The following CDH12 variants were observed in gnomAD, a reference collection of about 807,000 sequenced individuals.
CDH12 encodes cadherin-12.
Under a neutral mutation model 74.1 loss-of-function variants are expected in CDH12, and 41 were observed. The ratio of observed to expected loss-of-function variants is 0.55; its 90% confidence interval spans 0.43 to 0.72. The LOEUF is 0.72. Ranked by LOEUF, CDH12 falls within the 30% of genes least tolerant of loss-of-function variation. The pLI is 0.00. For synonymous variants in CDH12, 399 were observed against 355.0 expected, an observed-to-expected ratio of 1.12 and a Z score of -1.39; for missense variants, 945 against 977.2, an observed-to-expected ratio of 0.97 and a Z score of 0.44.
At chr5:21,960,772 A>G (rs926240263) in intron 6 of CDH12, among the ~76,000 whole-genome samples, 11 of 152,056 alleles carry the variant, frequency 7.2e-5, no homozygotes, top group African/African-American at 2.4e-4. Context: ...AGGTATTTAT[A>G]TGTTTGCCTG....
intron 8 of CDH12, among the ~76,000 whole-genome samples, chr5:21,838,352 G>A (rs1371705697): frequency 1.3e-5 from 2 of 152,110 alleles, no homozygotes; most frequent in African/African-American, 2.4e-5. Context: ...CTGAGGTCAG[G>A]AGTTTGAGAC....
At chr5:22,215,043 A>G (rs893104701) in intron 3 of CDH12, among the ~76,000 whole-genome samples, 6 of 152,240 alleles carry the variant, frequency 3.9e-5, no homozygotes, top group Non-Finnish European at 8.8e-5. Context: ...TGTCTATTAC[A>G]TGCTTGCTAT....
At chr5:22,046,845 G>A (rs1739990013) in intron 5 of CDH12, among the ~76,000 whole-genome samples, 1 of 152,110 alleles carries the variant, frequency 6.6e-6, no homozygotes, top group Non-Finnish European at 1.5e-5. Flanking sequence ...CCCAAAACTG[G>A]TGAGCATCTC....
intron 7 of CDH12, among the ~76,000 whole-genome samples, chr5:21,849,827 A>G (rs1455727282): frequency 1.3e-5 from 2 of 151,812 alleles, no homozygotes; most frequent in Non-Finnish European, 2.9e-5. Flanking sequence ...AAATGAAATT[A>G]TCGCCTCATA....
At chr5:22,097,507 T>C (rs969491103) in intron 4 of CDH12, among the ~76,000 whole-genome samples, 1 of 152,164 alleles carries the variant, frequency 6.6e-6, no homozygotes, top group Non-Finnish European at 1.5e-5. Flanking sequence ...CTTCTAAACA[T>C]CTTTAAACTC....
At position 22,599,318 on chromosome 5, in the gene CDH12, G is replaced by A. The variant is rs182584804; in HGVS notation, c.-522-93954C>T. On this transcript the variant is annotated intron_variant, in intron 1 of 14. Transcript: ENST00000382254. ...ATAAGATTCGGGAATAGGCAACACT[G>A]GTAGTAAAAAATACCAAAGTGACTA... Among the ~76,000 whole-genome samples the A allele has an allele frequency of 7.2e-5, 11 of 151,954 alleles. No homozygotes were observed. The East Asian group carries it at 2.1e-3, about 29-fold the overall frequency.
At chr5:22,549,699 T>G (rs893706628) in intron 1 of CDH12, among the ~76,000 whole-genome samples, 1 of 152,236 alleles carries the variant, frequency 6.6e-6, no homozygotes, top group Non-Finnish European at 1.5e-5. Flanking sequence ...TGTACTGTTC[T>G]TGTTGGTGTC....
chr5:22,483,538 A>G (rs972585754), intron 2 of CDH12, among the ~76,000 whole-genome samples: 2 of 150,904 alleles, frequency 1.3e-5, no homozygotes, highest in African/African-American at 4.9e-5. Context: ...AAGACCATGT[A>G]GTGATGGAAG....
chr5:21,993,928 G>T (rs991930949), intron 5 of CDH12, among the ~76,000 whole-genome samples: 3 of 151,996 alleles, frequency 2.0e-5, no homozygotes, highest in African/African-American at 7.3e-5. Flanking sequence ...AGAGTAAAGA[G>T]AATTTTTATT....
At chr5:21,926,446 C>T (rs1158865422) in intron 6 of CDH12, among the ~76,000 whole-genome samples, 1 of 152,122 alleles carries the variant, frequency 6.6e-6, no homozygotes, top group Admixed American at 6.5e-5. Context: ...CTTTGTCTTT[C>T]CTCTATATAT....
intron 2 of CDH12, among the ~76,000 whole-genome samples, chr5:22,503,927 A>T (rs940116681): frequency 6.6e-6 from 1 of 152,040 alleles, no homozygotes; most frequent in Non-Finnish European, 1.5e-5. Context: ...TGATATAATC[A>T]TGGATATTTA....
In CDH12 at chr5:21,996,950, G is replaced by C. The variant is rs1475062534; in HGVS notation, c.232-21565C>G. The stretch of plus-strand genomic sequence containing the variant: ...ATAGAAGCGTCATTATCTGACTTGG[G>C]TGTGTTTGAAGAGAAAAATGTAAAT... On this transcript the variant is annotated intron_variant, in intron 5 of 14. Coordinates refer to ENST00000382254, the MANE Select transcript of CDH12 (RefSeq NM_004061.5). 3.3e-5 allele frequency among the ~76,000 whole-genome samples: 5 copies of C among 152,062 alleles called. No homozygotes were observed. The East Asian group carries it at 5.8e-4, about 18-fold the overall frequency.
At chr5:22,263,514 T>G (rs533455009) in intron 3 of CDH12, among the ~76,000 whole-genome samples, 44 of 152,154 alleles carry the variant, frequency 2.9e-4, no homozygotes, top group African/African-American at 4.6e-4. Context: ...TAATATATGG[T>G]AAAAGTCAAA....
intron 5 of CDH12, among the ~76,000 whole-genome samples, chr5:22,029,525 C>T (rs1738658655): frequency 2.6e-5 from 4 of 151,104 alleles, no homozygotes. Context: ...CTCATCATCA[C>T]TGGCCATCAG....
chr5:22,210,694 A>G (rs1171555654), intron 4 of CDH12, among the ~76,000 whole-genome samples: 1 of 152,012 alleles, frequency 6.6e-6, no homozygotes, highest in East Asian at 1.9e-4. Context: ...CCAACAAAAA[A>G]GTTCATTGGG....
At chr5:22,659,924 ACTAT>A (rs368319645) in intron 1 of CDH12, among the ~76,000 whole-genome samples, 174 of 152,270 alleles carry the variant, frequency 1.1e-3, no homozygotes, top group Middle Eastern at 3.4e-3. Flanking sequence ...ATAGAATATG[ACTAT>A]CTAAGTCAAA....
intron 3 of CDH12, among the ~76,000 whole-genome samples, chr5:22,232,049 T>C (rs568565736): frequency 5.9e-5 from 9 of 151,908 alleles, no homozygotes; most frequent in African/African-American, 2.2e-4. Flanking sequence ...ATATAATCTA[T>C]AAGCATTAGT....
At chr5:22,791,748 G>A (rs1747916866) in intron 1 of CDH12, among the ~76,000 whole-genome samples, 1 of 152,132 alleles carries the variant, frequency 6.6e-6, no homozygotes, top group African/African-American at 2.4e-5. Context: ...CATGACACCA[G>A]GCAAGAGAGT....
At chr5:22,607,430 A>AGGCCATGCTTTTGCCAT (rs778996838) in intron 1 of CDH12, among the ~76,000 whole-genome samples, 30 of 152,202 alleles carry the variant, frequency 2.0e-4, no homozygotes, top group Non-Finnish European at 4.0e-4. Flanking sequence ...TCATGGCAAG[A>AGGCCATGCTTTTGCCAT]GGCAAAAGGC....
Sources: gnomAD v4.1 joint callset for allele counts (sites outside exome capture counted in the v4.1 genomes callset) on GRCh38, gnomAD v4.1.1 for gene constraint, MANE v1.5 for transcripts, NCBI Gene and HGNC (gene_info 2026-07-23, HGNC 2026-07-21) for gene names.